Variants in MTA3 observed in about 807,000 individuals in gnomAD.
The protein encoded by MTA3 is metastasis-associated protein MTA3.
In MTA3, 34 loss-of-function variants were observed where a neutral mutation model predicts 83.5. That is an observed-to-expected ratio of 0.41 (90% confidence interval 0.31 to 0.54). The LOEUF is 0.54. Among genes scored for constraint, MTA3 ranks in the 20% least tolerant of loss-of-function variants. MTA3 has a pLI of 0.33. For synonymous variants in MTA3, 303 were observed against 252.7 expected (o/e 1.20, Z -1.89); for missense variants, 761 against 726.4 (o/e 1.05, Z -0.55).
At chr2:42,560,596 C>A (rs1677625880) in intron 2 of MTA3, among the ~76,000 whole-genome samples, 1 of 150,908 alleles carries the variant, frequency 6.6e-6, no homozygotes, top group Non-Finnish European at 1.5e-5. Context: ...AAACAAAACA[C>A]ACACACACAC....
chr2:42,712,019 C>G (rs75829448), intron 14 of MTA3, among the ~76,000 whole-genome samples: 1 of 152,114 alleles, frequency 6.6e-6, no homozygotes, highest in African/African-American at 2.4e-5. Flanking sequence ...GCTTGAGACT[C>G]TTCCAAGCAC....
At chr2:42,505,119 C>T (rs568699632) in intron 2 of MTA3, among the ~76,000 whole-genome samples, 4 of 151,960 alleles carry the variant, frequency 2.6e-5, no homozygotes, top group Admixed American at 2.0e-4. Flanking sequence ...TGGGGTGGGA[C>T]GTGGTGACTC....
At chr2:42,645,883 A>G (rs753849602) in intron 6 of MTA3, among the ~76,000 whole-genome samples, 2 of 152,256 alleles carry the variant, frequency 1.3e-5, no homozygotes, top group Non-Finnish European at 1.5e-5. Context: ...ACTCTGAACA[A>G]CAGAGTTTCA....
rs558971998 is a variant in MTA3 at position 42,686,784 on chromosome 2, G to A, written c.891+4195G>A. On this transcript the variant is annotated intron_variant, in intron 9 of 16. Transcript: ENST00000405094. The stretch of plus-strand genomic sequence containing the variant: ...GAAGGTTGCAGTGAGCTGAGATCAC[G>A]CCACTGCACTCCAGCCTGGGTGATG... Among the ~76,000 whole-genome samples, 35 of 151,818 alleles carry A rather than the reference G, an allele frequency of 2.3e-4. No individual in the cohort carries two copies. In the East Asian group the frequency reaches 5.2e-3, roughly 23 times the overall value.
chr2:42,704,115 C>T lies in MTA3; in HGVS notation c.1026-79C>T, dbSNP rs535770390. ...TTTGTTTATGTTTATTAAATAGTGA[C>T]GGTAAATCAGTAATGATATAGAGCT... is the stretch of plus-strand genomic sequence containing the variant. On this transcript the variant is annotated intron_variant, in intron 11 of 16. Transcript: ENST00000405094. The T allele has an allele frequency of 7.2e-5, 102 of 1,425,424 alleles. No homozygotes were observed. In the South Asian group the frequency reaches 7.4e-4, roughly 10 times the overall value. The allele number at this position is 1,425,424 out of a possible 1,614,324, so 88.3% of individuals were successfully genotyped here.
intron 2 of MTA3, among the ~76,000 whole-genome samples, chr2:42,509,370 T>C (rs1244621657): frequency 6.6e-6 from 1 of 152,076 alleles, no homozygotes; most frequent in Non-Finnish European, 1.5e-5. Flanking sequence ...ACCGTCTGTC[T>C]CCCACAAGAT....
chr2:42,641,384 T>C (rs1687679828), intron 5 of MTA3, among the ~76,000 whole-genome samples: 1 of 152,064 alleles, frequency 6.6e-6, no homozygotes, highest in Non-Finnish European at 1.5e-5. Context: ...GAAAAAAGGC[T>C]AATAGACTTT....
chr2:42,696,618 A>C (rs541033753), intron 10 of MTA3, among the ~76,000 whole-genome samples: 1 of 152,320 alleles, frequency 6.6e-6, no homozygotes, highest in South Asian at 2.1e-4. Context: ...TTAAAGTATC[A>C]TAGTGAGCTG....
chr2:42,499,271 G>T (rs1199140112), intron 2 of MTA3, among the ~76,000 whole-genome samples: 1 of 151,400 alleles, frequency 6.6e-6, no homozygotes, highest in Admixed American at 6.6e-5. Context: ...AGGTTCAAGC[G>T]ATTCTCCTGC....
rs573522440 is a variant in MTA3 at position 42,538,900 on chromosome 2, G to A, written c.-140-31537G>A. Among the ~76,000 whole-genome samples the A allele has an allele frequency of 2.1e-3, 312 of 148,432 alleles. 1 individual carries two copies. Among genetic ancestry groups the A allele is most frequent in the Non-Finnish European group, 3.4e-3 (230 of 67,330 alleles). ...CGCCATTCTCCTGCCTCAGCCTCCC[G>A]AGTAGCTGGGACTACAGGCGCCCGC... On this transcript the variant is annotated intron_variant, in intron 2 of 17. Coordinates refer to the MTA3 transcript ENST00000405592.
chr2:42,523,390 G>C (rs187332459), intron 2 of MTA3, among the ~76,000 whole-genome samples: 117 of 152,198 alleles, frequency 7.7e-4, no homozygotes, highest in African/African-American at 2.6e-3. Context: ...TTAATTGAAC[G>C]GCGTGTTCTC....
intron 6 of MTA3, among the ~76,000 whole-genome samples, chr2:42,648,860 G>A (rs1467981151): frequency 1.2e-4 from 19 of 152,010 alleles, no homozygotes; most frequent in Non-Finnish European, 1.8e-4. Flanking sequence ...ATTATTAAAC[G>A]AAAATGACTC....
chr2:42,704,087 ATGTT>A (rs952980571), intron 11 of MTA3, 103 bp from the exon 12 acceptor site: 39 of 1,260,332 alleles, frequency 3.1e-5, no homozygotes, highest in Middle Eastern at 4.9e-4. Flanking sequence ...ACATTTTAAA[ATGTT>A]TGTTTATGTT....
At chr2:42,728,088 C>T (rs1019153592) in intron 16 of MTA3, among the ~76,000 whole-genome samples, 1 of 151,894 alleles carries the variant, frequency 6.6e-6, no homozygotes, top group East Asian at 1.9e-4. Context: ...TTAATCATAC[C>T]TCCTACCACT....
intron 7 of MTA3, among the ~76,000 whole-genome samples, chr2:42,658,003 C>T (rs145171039): frequency 3.0e-5 from 4 of 131,676 alleles, no homozygotes; most frequent in East Asian, 2.4e-4. Context: ...ACTTGCGAGA[C>T]GGAGGTTGCA....
intron 4 of MTA3, chr2:42,614,144 C>G (rs1328179302): frequency 2.0e-5 from 3 of 152,098 alleles, no homozygotes; most frequent in South Asian, 4.2e-4. Flanking sequence ...GCTGCCCAGA[C>G]TGGAGTGCAG....
chr2:42,675,323 A>C (rs957262037), intron 8 of MTA3, among the ~76,000 whole-genome samples: 11 of 151,830 alleles, frequency 7.2e-5, no homozygotes, highest in Non-Finnish European at 1.6e-4. Flanking sequence ...TTTAGTAGAG[A>C]TGGGCTTTCA....
At chr2:42,686,396 A>G (rs946667077) in intron 9 of MTA3, among the ~76,000 whole-genome samples, 2 of 152,140 alleles carry the variant, frequency 1.3e-5, no homozygotes, top group Non-Finnish European at 2.9e-5. Context: ...TCCCATAATC[A>G]TCACCACAGG....
chr2:42,584,358 A>G (rs1014901502), intron 3 of MTA3, among the ~76,000 whole-genome samples: 1 of 152,304 alleles, frequency 6.6e-6, no homozygotes, highest in Admixed American at 6.5e-5. Flanking sequence ...TTCAGTACTT[A>G]CTTCTAAAAG....
Sources: gnomAD v4.1 joint callset for allele counts (sites outside exome capture counted in the v4.1 genomes callset) on GRCh38, gnomAD v4.1.1 for gene constraint, MANE v1.5 for transcripts, NCBI Gene and HGNC (gene_info 2026-07-23, HGNC 2026-07-21) for gene names.